The following YTHDF3 variants were observed in gnomAD, a reference collection of about 807,000 sequenced individuals.
YTHDF3 encodes the protein YTH N6-methyladenosine RNA binding protein F3.
In YTHDF3, 9 loss-of-function variants were observed where a neutral mutation model predicts 52.5. That is an observed-to-expected ratio of 0.17 (90% confidence interval 0.10 to 0.30). YTHDF3 has a LOEUF of 0.30. Among genes scored for constraint, YTHDF3 ranks in the 10% least tolerant of loss-of-function variants. YTHDF3 has a pLI of 1.00. For synonymous variants in YTHDF3, 274 were observed against 243.3 expected, an observed-to-expected ratio of 1.13 and a Z score of -1.18; for missense variants, 534 against 715.0, an observed-to-expected ratio of 0.75 and a Z score of 2.89.
chr8:63,185,955 T>C (rs1357773272), intron 3 of YTHDF3, among the ~76,000 whole-genome samples, 192 bp from the exon 4 acceptor site: 1 of 152,266 alleles, frequency 6.6e-6, no homozygotes, highest in African/African-American at 2.4e-5. Context: ...AGAAATATTT[T>C]AAGATGTGAC....
At position 63,209,715 on chromosome 8, in the gene YTHDF3, A is replaced by G; in HGVS notation, c.*9A>G. The G allele has an allele frequency of 6.3e-7, 1 of 1,575,316 alleles. No individual in the cohort carries two copies. Among genetic ancestry groups the G allele is most frequent in the Non-Finnish European group, 8.6e-7 (1 of 1,166,350 alleles). On this transcript the variant is annotated 3_prime_UTR_variant, in exon 5 of 5. Transcript: ENST00000539294. ...ATAGAAACAAACAATAACCGTATGA[A>G]GATGTCCTGTTAAATTTACAACACT...
chr8:63,168,835 C>T lies in YTHDF3; in HGVS notation c.-43C>T, dbSNP rs1229969383. On this transcript the variant is annotated 5_prime_UTR_variant, in exon 1 of 5. Coordinates refer to ENST00000539294, the MANE Select transcript of YTHDF3 (RefSeq NM_152758.6). ...CTGCTGTGAGTGCACGGGGAGAGGC[C>T]CAGGCAGCGGCGGCGGCGGCGGCTC... 4 of 1,552,904 alleles carry T rather than the reference C, an allele frequency of 2.6e-6. No individual in the cohort carries two copies. In the African/African-American group the frequency reaches 5.5e-5, roughly 21 times the overall value.
rs191685975 is a variant in YTHDF3 at position 63,207,994 on chromosome 8, A to C, written c.1735-1689A>C. Among the ~76,000 whole-genome samples, 18 of 152,336 alleles carry C rather than the reference A, an allele frequency of 1.2e-4. 1 individual carries two copies. The highest frequency in any genetic ancestry group is 3.4e-3 in the Middle Eastern group (1 of 294). The stretch of plus-strand genomic sequence containing the variant: ...AAGTTGCAGGACCTTTGTAAAATTA[A>C]ACTACAGCTTCATGGTACAAATCCT... On this transcript the variant is annotated intron_variant, in intron 4 of 4. Transcript: ENST00000539294.
intron 4 of YTHDF3, among the ~76,000 whole-genome samples, chr8:63,198,032 T>C (rs1809349100): frequency 6.6e-6 from 1 of 152,216 alleles, no homozygotes; most frequent in African/African-American, 2.4e-5. Flanking sequence ...TTAAGAGTTT[T>C]CAATTGCCTA....
At chr8:63,175,288 C>A in intron 2 of YTHDF3, 43 bp from the exon 3 acceptor site, 1 of 1,451,738 alleles carries the variant, frequency 6.9e-7, no homozygotes, top group Non-Finnish European at 9.5e-7. Flanking sequence ...CTGCGAGTTT[C>A]ATAAAGATAA....
chr8:63,209,830 C>G lies in YTHDF3; in HGVS notation c.*124C>G, dbSNP rs1288644487. ...AAGGTGACATCTTTGAACACTTTAACACAAAGTTGACTCTTCTCGTAATGG... is the reference window on the plus strand; with the variant it reads ...AAGGTGACATCTTTGAACACTTTAAGACAAAGTTGACTCTTCTCGTAATGG... On this transcript the variant is annotated 3_prime_UTR_variant, in exon 5 of 5. Coordinates refer to ENST00000539294, the MANE Select transcript of YTHDF3 (RefSeq NM_152758.6). 1 of 949,932 alleles carries G rather than the reference C, an allele frequency of 1.1e-6. No homozygotes were observed. 58.8% of individuals were successfully genotyped at this position (949,932 alleles called of 1,614,324 possible).
chr8:63,172,673 G>C (rs888577412), intron 2 of YTHDF3: 2 of 800,570 alleles, frequency 2.5e-6, no homozygotes, highest in Non-Finnish European at 3.4e-6. Context: ...ATGATGCACA[G>C]ATCTGTTGAC....
In YTHDF3 at chr8:63,187,207, A is replaced by G. The variant is rs1405286308; in HGVS notation, c.1196A>G (p.Lys399Arg). The G allele has an allele frequency of 6.8e-6, 11 of 1,614,062 alleles. No individual in the cohort carries two copies. Among genetic ancestry groups the G allele is most frequent in the Non-Finnish European group, 7.6e-6 (9 of 1,179,912 alleles). The change falls in exon 4 of 5, where the codon AAG (lysine) becomes AGG (arginine). Residue 399 changes from lysine to arginine, a missense_variant. This residue lies in a region of YTHDF3 where 203 missense variants were observed against 201.3 expected (regional missense o/e 1.01). Transcript: ENST00000539294. ...GTGCATCCCGTGCTGGAAAAGCTAAAGGCCATAAACAACTATAATCCCAAA... is the reference window on the plus strand; with the variant it reads ...GTGCATCCCGTGCTGGAAAAGCTAAGGGCCATAAACAACTATAATCCCAAA... ...VEVHPVLEKL[K>R]AINNYNPKDF...
intron 3 of YTHDF3, among the ~76,000 whole-genome samples, chr8:63,180,186 C>T (rs1808014813): frequency 6.6e-6 from 1 of 150,604 alleles, no homozygotes; most frequent in Admixed American, 6.6e-5. Flanking sequence ...GACGGGGCGG[C>T]TTCCGGGCGG....
At chr8:63,177,143 A>G (rs1185917435) in intron 3 of YTHDF3, among the ~76,000 whole-genome samples, 1 of 152,232 alleles carries the variant, frequency 6.6e-6, no homozygotes, top group Non-Finnish European at 1.5e-5. Flanking sequence ...TGAAACTCTG[A>G]AAGAACAAGG....
intron 4 of YTHDF3, among the ~76,000 whole-genome samples, chr8:63,203,242 C>CAAA (rs372725205): frequency 1.9e-4 from 24 of 128,884 alleles, no homozygotes; most frequent in African/African-American, 5.3e-4. Context: ...AACTCTGTCT[C>CAAA]AAAAAAAAAA....
In YTHDF3 at chr8:63,186,651, A is replaced by C; in HGVS notation, c.640A>C (p.Ser214Arg). 1 of 1,614,014 alleles carries C rather than the reference A, an allele frequency of 6.2e-7. No homozygotes were observed. Among genetic ancestry groups the C allele is most frequent in the South Asian group, 1.1e-5 (1 of 91,090 alleles). The change falls in exon 4 of 5, where the codon AGC (serine) becomes CGC (arginine). Residue 214 changes from serine to arginine, a missense_variant. Around this residue, in one of 3 missense-constraint regions of YTHDF3, gnomAD observed 196 missense variants for 299.5 expected, o/e 0.65. Coordinates refer to ENST00000539294, the MANE Select transcript of YTHDF3 (RefSeq NM_152758.6). ...VTKTVGTALSSSGMTSIATNS... is the reference protein window; with the variant it reads ...VTKTVGTALSRSGMTSIATNS... ...AAAAACTGTAGGTACAGCTTTGAGC[A>C]GCAGTGGTATGACTAGCATTGCAAC...
intron 4 of YTHDF3, among the ~76,000 whole-genome samples, chr8:63,200,552 A>C (rs917944053): frequency 6.6e-6 from 1 of 151,878 alleles, no homozygotes; most frequent in African/African-American, 2.4e-5. Flanking sequence ...AAGGGTGTGA[A>C]TACCTGAATG....
In YTHDF3 at chr8:63,194,715, A is replaced by G. The variant is rs1270062995; in HGVS notation, c.1734+6970A>G. Among the ~76,000 whole-genome samples the G allele has an allele frequency of 2.0e-5, 3 of 152,226 alleles. No individual in the cohort carries two copies. In the East Asian group the frequency reaches 5.8e-4, roughly 29 times the overall value. ...CATAACCACAATATTCTGTCAGATG[A>G]TCCATGGAATTGCTTATTGCTTTCT... On this transcript the variant is annotated intron_variant, in intron 4 of 4. Transcript: ENST00000539294.
At chr8:63,191,021 G>T (rs1381172678) in intron 4 of YTHDF3, among the ~76,000 whole-genome samples, 4 of 152,154 alleles carry the variant, frequency 2.6e-5, no homozygotes, top group Admixed American at 6.5e-5. Context: ...GCTGGGTATA[G>T]AATTCTTTCT....
chr8:63,197,806 T>G (rs1382547681), intron 4 of YTHDF3, among the ~76,000 whole-genome samples: 1 of 152,188 alleles, frequency 6.6e-6, no homozygotes, highest in Non-Finnish European at 1.5e-5. Context: ...CCTGAGTATA[T>G]TTGTCCAGTA....
rs1198961125 is a variant in YTHDF3, at chr8:63,168,813, C to T, written c.-65C>T. The T allele has an allele frequency of 3.9e-6, 6 of 1,550,086 alleles. No homozygotes were observed. In the African/African-American group the frequency reaches 5.5e-5, roughly 14 times the overall value. On this transcript the variant is annotated 5_prime_UTR_variant, in exon 1 of 5. Coordinates refer to ENST00000539294, the MANE Select transcript of YTHDF3 (RefSeq NM_152758.6). ...CTCGGCCAAGGGCGACAGCCAACTGCTGTGAGTGCACGGGGAGAGGCCCAG... is the reference window on the plus strand; with the variant it reads ...CTCGGCCAAGGGCGACAGCCAACTGTTGTGAGTGCACGGGGAGAGGCCCAG...
intron 2 of YTHDF3, chr8:63,172,687 C>G: frequency 3.0e-6 from 3 of 1,016,308 alleles, no homozygotes; most frequent in Admixed American, 8.5e-5. Context: ...TGTTGACTTT[C>G]CTAACTTGAT....
At chr8:63,183,011 C>T (rs1336163482) in intron 3 of YTHDF3, among the ~76,000 whole-genome samples, 1 of 146,442 alleles carries the variant, frequency 6.8e-6, no homozygotes, top group Non-Finnish European at 1.5e-5. Context: ...GGCTGGAGTG[C>T]AGTGGTGGCA....
Sources: gnomAD v4.1 joint callset for allele counts (sites outside exome capture counted in the v4.1 genomes callset) on GRCh38, gnomAD v4.1.1 for gene constraint, gnomAD v4.1.1 regional missense constraint, MANE v1.5 for transcripts, NCBI Gene and HGNC (gene_info 2026-07-23, HGNC 2026-07-21) for gene names.